CHST9: variants seen among roughly 807,000 people sequenced by gnomAD.
CHST9 encodes carbohydrate sulfotransferase 9.
CHST9 carries 41 observed loss-of-function variants against 44.4 expected under a neutral mutation model. The observed-to-expected ratio is 0.92, with a 90% confidence interval of 0.72 to 1.20. The LOEUF is 1.20. CHST9 is among the 50% of genes most tolerant of loss of function. CHST9 has a pLI of 0.00. For missense variants in CHST9, 504 were observed against 516.5 expected (o/e 0.98, Z 0.23); for synonymous variants, 171 against 178.4 (o/e 0.96, Z 0.33).
At chr18:26,987,807 T>C (rs1040404590) in intron 4 of CHST9, among the ~76,000 whole-genome samples, 3 of 152,120 alleles carry the variant, frequency 2.0e-5, no homozygotes, top group African/African-American at 7.2e-5. Context: ...AGAGCTTCCT[T>C]GCCCTTTCCA....
Position 26,999,630 on chromosome 18 carries a change from T to C in CHST9, c.202+24486A>G, listed in dbSNP as rs1173875270. Among the ~76,000 whole-genome samples, 8 of 152,208 alleles carry C rather than the reference T, an allele frequency of 5.3e-5. No individual in the cohort carries two copies. In the East Asian group the frequency reaches 7.7e-4, roughly 15 times the overall value. On this transcript the variant is annotated intron_variant, in intron 4 of 5. Transcript: ENST00000618847. ...ACATTTAAAAGTTTATATAAAAAAA[T>C]TGGTGAAAGAAAAAGAATTTCACTA...
At chr18:27,119,099 C>A (rs1488690399) in intron 2 of CHST9, among the ~76,000 whole-genome samples, 1 of 152,076 alleles carries the variant, frequency 6.6e-6, no homozygotes. Context: ...AGGCTCTGGG[C>A]AAGGGGTTGA....
At chr18:27,006,152 C>T (rs1358032593) in intron 4 of CHST9, among the ~76,000 whole-genome samples, 1 of 152,134 alleles carries the variant, frequency 6.6e-6, no homozygotes, top group Non-Finnish European at 1.5e-5. Context: ...CGGTATGCCA[C>T]TGGAATTTTC....
chr18:27,123,742 T>C (rs1215386373), intron 2 of CHST9, among the ~76,000 whole-genome samples: 1 of 152,178 alleles, frequency 6.6e-6, no homozygotes, highest in Non-Finnish European at 1.5e-5. Context: ...AAGAACATGG[T>C]CTGCTAGGAT....
chr18:27,028,554 C>CT (rs528643308), intron 3 of CHST9, among the ~76,000 whole-genome samples: 2,349 of 147,040 alleles, frequency 0.016, 66 homozygotes, highest in African/African-American at 0.053. Context: ...AAAGTAACTT[C>CT]TTTTTTTTTT....
intron 2 of CHST9, among the ~76,000 whole-genome samples, chr18:27,141,684 C>A: frequency 1.5e-5 from 2 of 136,924 alleles, no homozygotes; most frequent in African/African-American, 2.8e-5. Flanking sequence ...ATAGTTGTAA[C>A]TCAGTATTAA....
chr18:27,071,510 A>G (rs1055727808), intron 2 of CHST9, among the ~76,000 whole-genome samples: 2 of 152,252 alleles, frequency 1.3e-5, no homozygotes, highest in Non-Finnish European at 2.9e-5. Flanking sequence ...TCTAGCATAA[A>G]TGAGCAATCA....
intron 1 of CHST9, among the ~76,000 whole-genome samples, chr18:27,173,439 G>A (rs1321680517): frequency 6.6e-6 from 1 of 151,992 alleles, no homozygotes; most frequent in Admixed American, 6.6e-5. Context: ...GAGCACCAAT[G>A]TTTAGGAAAG....
chr18:26,989,295 A>T (rs143619686), intron 4 of CHST9, among the ~76,000 whole-genome samples: 356 of 152,344 alleles, frequency 2.3e-3, no homozygotes, highest in Middle Eastern at 3.4e-3. Flanking sequence ...TCACCAAGGA[A>T]GATATAGGGA....
intron 5 of CHST9, among the ~76,000 whole-genome samples, chr18:26,917,739 C>T (rs942404648): frequency 2.6e-5 from 4 of 152,086 alleles, no homozygotes; most frequent in African/African-American, 9.7e-5. Flanking sequence ...GAGATTGAAA[C>T]TTTTATTGTT....
chr18:26,911,211 A>G lies in CHST9; in HGVS notation c.*5048T>C, dbSNP rs2055435630. 1.3e-5 allele frequency: 2 copies of G among 152,244 alleles called. No individual in the cohort carries two copies. Among genetic ancestry groups the G allele is most frequent in the African/African-American group, 4.8e-5 (2 of 41,472 alleles). The allele number at this position is 152,244 out of a possible 1,614,324, so 9.4% of individuals were successfully genotyped here. On this transcript the variant is annotated 3_prime_UTR_variant, in exon 6 of 6. Coordinates refer to ENST00000618847, the MANE Select transcript of CHST9 (RefSeq NM_031422.6). ...GGAACCTTTAAACAACAGCATCAAA[A>G]GCATCTGTTAAAGTAACGCTTTCCA...
At position 26,969,147 on chromosome 18, in the gene CHST9, C is replaced by G. The variant is rs140126649; in HGVS notation, c.203-24781G>C. ...CCAAGTAGTTGGGACTACAGGCGCCCGCCACCGTGCCTGGCTAATTTATTT... is the reference window on the plus strand; with the variant it reads ...CCAAGTAGTTGGGACTACAGGCGCCGGCCACCGTGCCTGGCTAATTTATTT... On this transcript the variant is annotated intron_variant, in intron 4 of 5. Transcript: ENST00000618847. Among the ~76,000 whole-genome samples the G allele has an allele frequency of 8.5e-3, 1,292 of 152,064 alleles. 12 individuals carry two copies. The highest frequency in any genetic ancestry group is 0.022 in the African/African-American group (900 of 41,452).
intron 2 of CHST9, among the ~76,000 whole-genome samples, chr18:27,091,323 T>G (rs1486037848): frequency 1.3e-5 from 2 of 152,188 alleles, no homozygotes; most frequent in African/African-American, 4.8e-5. Context: ...TGAAGTTGCT[T>G]ATCAGCTTAA....
At chr18:27,131,530 G>C (rs915075556) in intron 2 of CHST9, among the ~76,000 whole-genome samples, 1 of 152,048 alleles carries the variant, frequency 6.6e-6, no homozygotes, top group African/African-American at 2.4e-5. Context: ...CAGCCTGGGC[G>C]ACACGAGCAA....
At chr18:27,084,087 T>G (rs2057985756) in intron 2 of CHST9, among the ~76,000 whole-genome samples, 1 of 150,948 alleles carries the variant, frequency 6.6e-6, no homozygotes, top group African/African-American at 2.5e-5. Context: ...TCAGGGATAT[T>G]GGCCCAAAGT....
At chr18:26,935,988 G>C (rs1237210839) in intron 5 of CHST9, 1 of 152,178 alleles carries the variant, frequency 6.6e-6, no homozygotes, top group Non-Finnish European at 1.5e-5. Flanking sequence ...GTGGGAGGTA[G>C]AAAACTCTCC....
At chr18:27,057,742 C>T (rs1440270390) in intron 2 of CHST9, among the ~76,000 whole-genome samples, 1 of 152,238 alleles carries the variant, frequency 6.6e-6, no homozygotes, top group Non-Finnish European at 1.5e-5. Context: ...ATCTGCACTC[C>T]CCAGCCCTGG....
At chr18:27,121,288 A>T (rs1254285709) in intron 2 of CHST9, among the ~76,000 whole-genome samples, 1 of 152,142 alleles carries the variant, frequency 6.6e-6, no homozygotes, top group Non-Finnish European at 1.5e-5. Context: ...TCCAGGCATG[A>T]GTCACCATGC....
At chr18:26,970,447 G>A (rs2145168680) in intron 4 of CHST9, among the ~76,000 whole-genome samples, 1 of 151,890 alleles carries the variant, frequency 6.6e-6, no homozygotes, top group Non-Finnish European at 1.5e-5. Flanking sequence ...TATTATTTTT[G>A]AGACAGGGTC....
Sources: allele counts gnomAD v4.1 joint callset (sites outside exome capture counted in the v4.1 genomes callset), GRCh38; gene constraint gnomAD v4.1.1; transcripts MANE v1.5; gene names NCBI Gene and HGNC (gene_info 2026-07-23, HGNC 2026-07-21).